YTHDC1: variants seen among roughly 807,000 people sequenced by gnomAD.
The protein encoded by YTHDC1 is YTH domain-containing protein 1.
In YTHDC1, 12 loss-of-function variants were observed where a neutral mutation model predicts 107.0. The observed-to-expected ratio is 0.11, with a 90% confidence interval of 0.07 to 0.18. The LOEUF is 0.18. Among genes scored for constraint, YTHDC1 ranks in the 10% least tolerant of loss-of-function variants. YTHDC1 has a pLI of 1.00. For missense variants in YTHDC1, 635 were observed against 898.8 expected, an observed-to-expected ratio of 0.71 and a Z score of 3.75; for synonymous variants, 280 against 289.5, an observed-to-expected ratio of 0.97 and a Z score of 0.33.
At chr4:68,343,543 A>AATTT (rs35282008) in intron 1 of YTHDC1, among the ~76,000 whole-genome samples, 7 of 107,350 alleles carry the variant, frequency 6.5e-5, no homozygotes, top group Admixed American at 9.7e-5. Flanking sequence ...AAAAAAAAAA[A>AATTT]TTTTTTTTTT....
chr4:68,330,144 A>G (rs763833430), intron 8 of YTHDC1, 25 bp from the exon 9 acceptor site: 1 of 1,591,206 alleles, frequency 6.3e-7, no homozygotes, highest in Non-Finnish European at 8.6e-7. Flanking sequence ...TCATAATATA[A>G]TATGTAGATG....
chr4:68,324,994 C>A (rs1399662090), intron 9 of YTHDC1, among the ~76,000 whole-genome samples: 1 of 37,464 alleles, frequency 2.7e-5, no homozygotes, highest in Admixed American at 2.3e-4. Flanking sequence ...TGACACATAA[C>A]CAACAGTTGT....
intron 3 of YTHDC1, 22 bp from the exon 4 acceptor site, chr4:68,337,472 A>C: frequency 6.2e-7 from 1 of 1,609,742 alleles, no homozygotes; most frequent in Non-Finnish European, 8.5e-7. Context: ...AGAAAAAGGG[A>C]ATCAGCAGTC....
Position 68,322,893 on chromosome 4 carries a change from G to C in YTHDC1, c.1457C>G (p.Thr486Ser). The C allele has an allele frequency of 1.9e-6, 3 of 1,613,628 alleles. No individual in the cohort carries two copies. The highest frequency in any genetic ancestry group is 1.7e-6 in the Non-Finnish European group (2 of 1,179,706). The change falls in exon 11 of 17, where the codon ACC (threonine) becomes AGC (serine). Residue 486 changes from threonine to serine, a missense_variant. Transcript: ENST00000344157. This position sits in a 1 kb window ranked among gnomAD's most constrained non-coding sequence, Gnocchi z 4.8. ...GGGGGGAAACAGAAGACAAAGCTGG[G>C]TTCCACATTCAAGTTCAATTTCCTA... ...DGQEIELECGTQLCLLFPPDE... is the reference protein window; with the variant it reads ...DGQEIELECGSQLCLLFPPDE...
chr4:68,347,597 A>G lies in YTHDC1; in HGVS notation c.28+2129T>C, dbSNP rs547177828. 6.6e-5 allele frequency among the ~76,000 whole-genome samples: 10 copies of G among 152,304 alleles called. No individual in the cohort carries two copies. The East Asian group carries it at 1.9e-3, about 29-fold the overall frequency. On this transcript the variant is annotated intron_variant, in intron 1 of 16. Coordinates refer to ENST00000344157, the MANE Select transcript of YTHDC1 (RefSeq NM_001031732.4). ...CTGTTCTGTGATTAATATAATTGCC[A>G]ATTTCTGCAACTTATAGACTCATTT...
At chr4:68,341,886 G>A (rs932990882) in intron 1 of YTHDC1, among the ~76,000 whole-genome samples, 1 of 152,108 alleles carries the variant, frequency 6.6e-6, no homozygotes, top group African/African-American at 2.4e-5. Flanking sequence ...TCAGTTTTGG[G>A]GAAAGGAAAA....
Position 68,332,121 on chromosome 4 carries a change from C to T in YTHDC1, c.1104G>A (p.Val368=). The change falls in exon 7 of 17, where the codon GTG becomes GTA. Residue 368 remains valine (V), a synonymous_variant. Transcript: ENST00000344157. The part of the protein sequence containing the change: ...FLIKSNNHEN[V]SLAKAKGVWS... Reference sequence around the variant, plus strand: ...CTAATACCTTCGCTTTGGCAAGAGACACATTCTCATGGTTGTTACTCTTTA... The same window carrying T: ...CTAATACCTTCGCTTTGGCAAGAGATACATTCTCATGGTTGTTACTCTTTA... 1 of 1,606,322 alleles carries T rather than the reference C, an allele frequency of 6.2e-7. No homozygotes were observed. The highest frequency in any genetic ancestry group is 8.5e-7 in the Non-Finnish European group (1 of 1,176,212).
Position 68,313,624 on chromosome 4 carries a change from G to A in YTHDC1, c.*475C>T, listed in dbSNP as rs1721490252. 6.5e-6 allele frequency: 1 copy of A among 153,742 alleles called. No individual in the cohort carries two copies. Among genetic ancestry groups the A allele is most frequent in the Non-Finnish European group, 1.5e-5 (1 of 68,906 alleles). The allele number at this position is 153,742 out of a possible 1,614,324, so 9.5% of individuals were successfully genotyped here. ...GCAATGGGGAAAAAAACAAGAGGCT[G>A]CTACAACACTGCCATACAGTCAAAC... On this transcript the variant is annotated 3_prime_UTR_variant, in exon 17 of 17. Transcript: ENST00000344157.
chr4:68,343,474 T>C (rs947607775), intron 1 of YTHDC1, among the ~76,000 whole-genome samples: 3 of 150,062 alleles, frequency 2.0e-5, no homozygotes, highest in Non-Finnish European at 4.4e-5. Context: ...AGTCTTGGGA[T>C]TATAGGCATG....
chr4:68,321,270 G>A (rs1312288509), intron 11 of YTHDC1, among the ~76,000 whole-genome samples: 1 of 152,144 alleles, frequency 6.6e-6, no homozygotes, highest in Admixed American at 6.5e-5. Flanking sequence ...AAACTGCAAA[G>A]TTAAGTGCAA....
intron 4 of YTHDC1, 131 bp from the exon 5 acceptor site, chr4:68,333,528 C>A (rs1039933062): frequency 9.0e-6 from 5 of 556,802 alleles, no homozygotes; most frequent in African/African-American, 1.9e-5. Flanking sequence ...CTCTCCTGAT[C>A]CCTCAATTTC....
intron 2 of YTHDC1, 42 bp downstream of exon 2, chr4:68,338,237 CTATT>C: frequency 6.7e-7 from 1 of 1,496,520 alleles, no homozygotes; most frequent in Non-Finnish European, 9.1e-7. Context: ...TGAATCTCCT[CTATT>C]TATACTGTTA....
rs1219698438 is a variant in YTHDC1, at chr4:68,314,131, C to T, written c.2152G>A (p.Asp718Asn). 1 of 1,614,090 alleles carries T rather than the reference C, an allele frequency of 6.2e-7. No individual in the cohort carries two copies. The highest frequency in any genetic ancestry group is 1.1e-5 in the South Asian group (1 of 91,078). Residue 718 changes from aspartate to asparagine, a missense_variant, in exon 17 of 17, where the codon GAC (aspartate) becomes AAC (asparagine). Around this residue, in one of 5 missense-constraint regions of YTHDC1, gnomAD observed 256 missense variants for 372.9 expected, o/e 0.69. Coordinates refer to ENST00000344157, the MANE Select transcript of YTHDC1 (RefSeq NM_001031732.4). ...CTATATCGACCTCTCTCCCCTCGGT[C>T]TCTGTCTCGATCACATAATCGCTCT... ...ERERLCDRDR[D>N]RGERGRYRR
chr4:68,343,541 AAAT>A (rs1200406029), intron 1 of YTHDC1, among the ~76,000 whole-genome samples: 18 of 125,038 alleles, frequency 1.4e-4, no homozygotes, highest in African/African-American at 4.8e-4. Context: ...AAAAAAAAAA[AAAT>A]TTTTTTTTTT....
chr4:68,315,070 A>C (rs889579956), intron 16 of YTHDC1, among the ~76,000 whole-genome samples: 3 of 152,356 alleles, frequency 2.0e-5, no homozygotes, highest in Middle Eastern at 3.4e-3. Flanking sequence ...AAAAGGATAT[A>C]GTTGAGGAAA....
At chr4:68,330,473 A>AT (rs1255648787) in intron 7 of YTHDC1, among the ~76,000 whole-genome samples, 163 bp from the exon 8 acceptor site, 1 of 152,180 alleles carries the variant, frequency 6.6e-6, no homozygotes. Flanking sequence ...CGTAGTAATA[A>AT]TTTATAAAAA....
intron 4 of YTHDC1, 51 bp downstream of exon 4, chr4:68,336,975 GA>G (rs1282359587): frequency 7.2e-6 from 11 of 1,526,938 alleles, no homozygotes; most frequent in Non-Finnish European, 9.6e-6. Flanking sequence ...TTTCAAGACT[GA>G]AACCTATCAA....
At chr4:68,314,815 A>T (rs1388602965) in intron 16 of YTHDC1, among the ~76,000 whole-genome samples, 1 of 152,102 alleles carries the variant, frequency 6.6e-6, no homozygotes, top group African/African-American at 2.4e-5. Flanking sequence ...CTAAATTGTT[A>T]CAACTAAGTT....
chr4:68,332,894 A>G (rs373478944), intron 5 of YTHDC1, 47 bp from the exon 6 acceptor site: 96 of 1,515,968 alleles, frequency 6.3e-5, no homozygotes, highest in African/African-American at 4.0e-4. Context: ...TTTAATAGAG[A>G]TAAGACAAAA....
Sources: allele counts gnomAD v4.1 joint callset (sites outside exome capture counted in the v4.1 genomes callset), GRCh38; gene constraint gnomAD v4.1.1; regional missense constraint gnomAD v4.1.1; non-coding constraint Gnocchi (gnomAD v3.1); transcripts MANE v1.5; gene names NCBI Gene and HGNC (gene_info 2026-07-23, HGNC 2026-07-21).